The following CLSTN2 variants were observed in gnomAD, a reference collection of about 807,000 sequenced individuals.
The protein encoded by CLSTN2 is calsyntenin 2, also known as calsyntenin-2.
A neutral mutation model predicts 101.2 loss-of-function variants in CLSTN2; 48 were observed. That is an observed-to-expected ratio of 0.47 (90% CI 0.38 to 0.60). The LOEUF (loss-of-function observed/expected upper bound fraction) is 0.60. Among genes scored for constraint, CLSTN2 ranks in the 20% least tolerant of loss-of-function variants. CLSTN2 has a pLI of 0.00. For missense variants in CLSTN2, 1,160 were observed against 1,238.2 expected, an observed-to-expected ratio of 0.94 and a Z score of 0.95; for synonymous variants, 481 against 463.6, an observed-to-expected ratio of 1.04 and a Z score of -0.48.
intron 1 of CLSTN2, among the ~76,000 whole-genome samples, chr3:139,984,576 A>T (rs1473651074): frequency 1.3e-5 from 2 of 152,044 alleles, no homozygotes; most frequent in Non-Finnish European, 2.9e-5. Flanking sequence ...GTGACACCAG[A>T]GTCTCTGTTC....
At chr3:140,230,412 C>G (rs1021131699) in intron 2 of CLSTN2, among the ~76,000 whole-genome samples, 3 of 152,156 alleles carry the variant, frequency 2.0e-5, no homozygotes, top group African/African-American at 7.2e-5. Flanking sequence ...TAAATATGGC[C>G]TGTATGTTCT....
At chr3:140,452,549 G>A (rs1489253389) in intron 6 of CLSTN2, 1 of 152,298 alleles carries the variant, frequency 6.6e-6, no homozygotes, top group Non-Finnish European at 1.5e-5. Flanking sequence ...TGGAAATCTG[G>A]ACATTGCCCA....
rs775060082 is a variant in CLSTN2, at chr3:140,356,772, A to AG, written c.233-46857_233-46856insG. 6.1e-4 allele frequency among the ~76,000 whole-genome samples: 92 copies of AG among 151,732 alleles called. 1 individual carries two copies. The highest frequency in any genetic ancestry group is 1.5e-3 in the East Asian group (8 of 5,166). On this transcript the variant is annotated intron_variant, in intron 2 of 16. Coordinates refer to ENST00000458420, the MANE Select transcript of CLSTN2 (RefSeq NM_022131.3). The stretch of plus-strand genomic sequence containing the variant: ...ACCTTGTCTCAAAAAAAAAAAAAAA[A>AG]AAAGAAAGAAAAATTCCAAACATAC...
rs552682970 is a variant in CLSTN2 at position 140,460,261 on chromosome 3, G to T, written c.1222+492G>T. 1.1e-4 allele frequency: 18 copies of T among 164,604 alleles called. 1 individual carries two copies. The South Asian group carries it at 2.4e-3, about 22-fold the overall frequency. 10.2% of individuals were successfully genotyped at this position (164,604 alleles called of 1,614,324 possible). A position where few individuals can be genotyped will look rare whatever the true frequency, so the allele number is the denominator to read the frequency against. Reference sequence around the variant, plus strand: ...TAGTAATGATAGCTACCATTCGATAGGCTTTTCAGCATGCTGAGCCTGTGC... The same window carrying T: ...TAGTAATGATAGCTACCATTCGATATGCTTTTCAGCATGCTGAGCCTGTGC... On this transcript the variant is annotated intron_variant, in intron 7 of 16. Transcript: ENST00000458420.
intron 4 of CLSTN2, among the ~76,000 whole-genome samples, chr3:140,419,698 TGA>T (rs1415868932): frequency 1.6e-5 from 1 of 64,480 alleles, no homozygotes; most frequent in Non-Finnish European, 2.5e-5. Context: ...TATACGTATA[TGA>T]ATATGTATAT....
intron 1 of CLSTN2, among the ~76,000 whole-genome samples, chr3:140,111,128 G>T (rs1222249831): frequency 6.6e-6 from 1 of 152,108 alleles, no homozygotes; most frequent in Admixed American, 6.6e-5. Context: ...TTCCAAGGGG[G>T]CCAGTGATTC....
intron 8 of CLSTN2, among the ~76,000 whole-genome samples, chr3:140,468,445 T>C (rs1168574653): frequency 1.3e-5 from 2 of 152,186 alleles, no homozygotes; most frequent in African/African-American, 4.8e-5. Context: ...GATAAAGATA[T>C]AGTGAATCTA....
intron 2 of CLSTN2, among the ~76,000 whole-genome samples, chr3:140,315,834 A>G (rs1576512342): frequency 6.6e-6 from 1 of 152,318 alleles, no homozygotes; most frequent in Non-Finnish European, 1.5e-5. Context: ...AGCAGGAGCT[A>G]TCGGCTTAGC....
chr3:140,093,938 G>A (rs2008824166), intron 1 of CLSTN2, among the ~76,000 whole-genome samples: 1 of 152,170 alleles, frequency 6.6e-6, no homozygotes, highest in Non-Finnish European at 1.5e-5. Context: ...AACCCTCAGA[G>A]GTAATATGGG....
intron 2 of CLSTN2, among the ~76,000 whole-genome samples, chr3:140,240,174 C>CTCTCTCTATATA (rs1311225528): frequency 9.8e-4 from 13 of 13,316 alleles, no homozygotes; most frequent in Non-Finnish European, 2.5e-3. Flanking sequence ...CTCTCTCTCT[C>CTCTCTCTATATA]TATATATATA....
In CLSTN2 at chr3:139,987,960, T is replaced by C. The variant is rs193256246; in HGVS notation, c.109+52477T>C. Among the ~76,000 whole-genome samples the C allele has an allele frequency of 1.8e-3, 274 of 152,284 alleles. 1 individual carries two copies. The highest frequency in any genetic ancestry group is 3.3e-3 in the Non-Finnish European group (224 of 68,022). On this transcript the variant is annotated intron_variant, in intron 1 of 16. Transcript: ENST00000458420. ...AGTAAAGTGGTTTTCTCACAGGGAA[T>C]AAGGATAGTGAATGTGAATTCTCAG...
chr3:140,419,554 T>C lies in CLSTN2; in HGVS notation c.638-1571T>C, dbSNP rs569103756. ...GTGTATATATATACATATATACGTG[T>C]ACGTATATATGTATATATACATATA... is the stretch of plus-strand genomic sequence containing the variant. On this transcript the variant is annotated intron_variant, in intron 4 of 16. Transcript: ENST00000458420. 3.3e-5 allele frequency among the ~76,000 whole-genome samples: 2 copies of C among 60,650 alleles called. 1 individual carries two copies. The highest frequency in any genetic ancestry group is 5.3e-5 in the Non-Finnish European group (2 of 37,974). The allele number at this position is 60,650 out of a possible 152,430, so 39.8% of individuals were successfully genotyped here.
intron 5 of CLSTN2, among the ~76,000 whole-genome samples, chr3:140,428,540 T>A (rs2088596702): frequency 6.6e-6 from 1 of 152,108 alleles, no homozygotes; most frequent in African/African-American, 2.4e-5. Flanking sequence ...GACTGAAGAA[T>A]CAGCTCTCCA....
chr3:140,488,477 C>T (rs1227224923), intron 8 of CLSTN2, among the ~76,000 whole-genome samples: 3 of 151,916 alleles, frequency 2.0e-5, no homozygotes, highest in East Asian at 3.9e-4. Context: ...GAATGTAAAG[C>T]AAAATTAACA....
intron 2 of CLSTN2, among the ~76,000 whole-genome samples, chr3:140,190,464 C>T (rs914800468): frequency 8.0e-5 from 11 of 136,944 alleles, no homozygotes; most frequent in Admixed American, 7.9e-4. Flanking sequence ...AAAAAAAAAT[C>T]CTGCAAGGAT....
chr3:140,088,672 C>G (rs887095139), intron 1 of CLSTN2, among the ~76,000 whole-genome samples: 6 of 152,218 alleles, frequency 3.9e-5, no homozygotes, highest in African/African-American at 1.4e-4. Context: ...CTCCATGTCA[C>G]TGAGGTTCCT....
chr3:140,149,827 A>G (rs185346467), intron 1 of CLSTN2, among the ~76,000 whole-genome samples: 1 of 152,308 alleles, frequency 6.6e-6, no homozygotes, highest in East Asian at 1.9e-4. Flanking sequence ...AAAATAGTTT[A>G]TCTGAAACTC....
At chr3:139,970,663 G>A (rs532981849) in intron 1 of CLSTN2, among the ~76,000 whole-genome samples, 19 of 152,284 alleles carry the variant, frequency 1.2e-4, no homozygotes, top group Non-Finnish European at 2.4e-4. Flanking sequence ...ACCATAGTGG[G>A]CCCTCTGCCC....
chr3:140,101,936 G>T (rs1367662749), intron 1 of CLSTN2, among the ~76,000 whole-genome samples: 2 of 152,210 alleles, frequency 1.3e-5, no homozygotes, highest in African/African-American at 4.8e-5. Flanking sequence ...ATGTAGGAGA[G>T]TACAGGGATG....
Sources: gnomAD v4.1 joint callset for allele counts (sites outside exome capture counted in the v4.1 genomes callset) on GRCh38, gnomAD v4.1.1 for gene constraint, MANE v1.5 for transcripts, NCBI Gene and HGNC (gene_info 2026-07-23, HGNC 2026-07-21) for gene names.